Variants in WNK2 observed in about 807,000 individuals in gnomAD.
WNK2 encodes serine/threonine-protein kinase WNK2.
In WNK2, 67 loss-of-function variants were observed where a neutral mutation model predicts 192.1. The ratio of observed to expected loss-of-function variants is 0.35; its 90% confidence interval spans 0.29 to 0.43. The LOEUF is 0.43. Ranked by LOEUF, WNK2 falls within the 20% of genes least tolerant of loss-of-function variation. The pLI is 1.00. For synonymous variants in WNK2, 1,439 were observed against 1,393.9 expected (o/e 1.03, Z -0.72); for missense variants, 2,698 against 3,089.7 (o/e 0.87, Z 3.01).
rs2133804437 is a variant in WNK2 at position 93,289,191 on chromosome 9, A to G, written c.4437A>G (p.Ala1479=). Residue 1479 remains alanine, a synonymous_variant, in exon 20 of 30, where the codon GCA becomes GCG. Transcript: ENST00000427277. Reference sequence around the variant, plus strand: ...CAAGGGAGCCCCTGCCACCTCCTGCACCTGAGCCCAGCCCCCACAGCGGGA... The same window carrying G: ...CAAGGGAGCCCCTGCCACCTCCTGCGCCTGAGCCCAGCCCCCACAGCGGGA... ...SAPREPLPPP[A]PEPSPHSGTP... 6.2e-7 allele frequency: 1 copy of G among 1,601,858 alleles called. No individual in the cohort carries two copies. The highest frequency in any genetic ancestry group is 8.5e-7 in the Non-Finnish European group (1 of 1,176,564).
chr9:93,268,814 C>T (rs1157083920), intron 19 of WNK2, 68 bp downstream of exon 19: 2 of 1,581,430 alleles, frequency 1.3e-6, no homozygotes, highest in South Asian at 2.3e-5. Context: ...TGTGCATGAC[C>T]CAGCCGGTAT....
At position 93,185,277 on chromosome 9, in the gene WNK2, C is replaced by G. The variant is rs1410219448; in HGVS notation, c.348C>G (p.Pro116=). The G allele has an allele frequency of 2.7e-5, 36 of 1,353,214 alleles. No homozygotes were observed. In the South Asian group the frequency reaches 5.7e-4, roughly 21 times the overall value. 83.8% of individuals were successfully genotyped at this position (1,353,214 alleles called of 1,614,324 possible). The change falls in exon 2 of 30, where the codon CCC becomes CCG. Residue 116 remains proline, a synonymous_variant. Coordinates refer to ENST00000427277, the MANE Select transcript of WNK2 (RefSeq NM_006648.4). The part of the protein sequence containing the change: ...GAPGAPADAG[P]EPVGTQEPGP... Reference sequence around the variant, plus strand: ...CCGGAGCCCCCGCGGACGCCGGCCCCGAGCCCGTGGGCACGCAGGAGCCCG... The same window carrying G: ...CCGGAGCCCCCGCGGACGCCGGCCCGGAGCCCGTGGGCACGCAGGAGCCCG...
At chr9:93,285,931 C>T (rs1036282556) in intron 19 of WNK2, among the ~76,000 whole-genome samples, 3 of 152,084 alleles carry the variant, frequency 2.0e-5, no homozygotes, top group African/African-American at 7.2e-5. Context: ...ACAGTGGAGA[C>T]CGGGTGGTCT....
At chr9:93,240,069 T>A in intron 7 of WNK2, 93 bp downstream of exon 7, 2 of 1,332,738 alleles carry the variant, frequency 1.5e-6, no homozygotes. Context: ...GGGGGCTTGC[T>A]CCGGAGGGGA....
Position 93,247,600 on chromosome 9 carries a change from G to T in WNK2, c.1600G>T (p.Asp534Tyr). ...CAAGATCGTGGCCAAGTCCATCCGT[G>T]ACCGCGTGGCCTTGATCCAGTGGCG... is the stretch of plus-strand genomic sequence containing the variant. ...DVKIVAKSIRDRVALIQWRRE... is the reference protein window; with the variant it reads ...DVKIVAKSIRYRVALIQWRRE... The change falls in exon 8 of 30, where the codon GAC (aspartate) becomes TAC (tyrosine). Residue 534 changes from aspartate to tyrosine, a missense_variant. Asp to Tyr is a radical substitution (Grantham distance 160, BLOSUM62 -3). This residue lies in a region of WNK2 where 230 missense variants were observed against 501.1 expected (regional missense o/e 0.46). Coordinates refer to ENST00000427277, the MANE Select transcript of WNK2 (RefSeq NM_006648.4). This position sits in a 1 kb window ranked among gnomAD's most constrained non-coding sequence, Gnocchi z 5.2. 6.2e-7 allele frequency: 1 copy of T among 1,606,472 alleles called. No individual in the cohort carries two copies. The highest frequency in any genetic ancestry group is 1.1e-5 in the South Asian group (1 of 89,256).
Position 93,312,968 on chromosome 9 carries a change from G to A in WNK2, c.6516+4384G>A, listed in dbSNP as rs1853948892. 1.3e-5 allele frequency among the ~76,000 whole-genome samples: 2 copies of A among 152,118 alleles called. 1 individual carries two copies. The highest frequency in any genetic ancestry group is 1.3e-4 in the Admixed American group (2 of 15,270). On this transcript the variant is annotated intron_variant, in intron 28 of 29. Transcript: ENST00000427277. The stretch of plus-strand genomic sequence containing the variant: ...AGCTTGCTGATTCTTTATTCTGCCT[G>A]CTCAGATCTGCCGGTGAACCCCTCT...
chr9:93,200,571 G>A (rs955301338), intron 2 of WNK2, among the ~76,000 whole-genome samples: 5 of 152,218 alleles, frequency 3.3e-5, no homozygotes, highest in African/African-American at 1.2e-4. Context: ...TGGTGCCCTT[G>A]GCTTGGTGTG....
chr9:93,268,065 G>A lies in WNK2; in HGVS notation c.3913G>A (p.Val1305Ile), dbSNP rs1054249873. The A allele has an allele frequency of 1.2e-6, 2 of 1,609,880 alleles. No individual in the cohort carries two copies. Among genetic ancestry groups the A allele is most frequent in the Non-Finnish European group, 8.5e-7 (1 of 1,178,260 alleles). The change falls in exon 18 of 30, where the codon GTC becomes ATC. Residue 1305 changes from valine to isoleucine, a missense_variant and splice_region_variant. Around this residue, in one of 7 missense-constraint regions of WNK2, gnomAD observed 1,098 missense variants for 1,101.0 expected, o/e 1.00. Transcript: ENST00000427277. ...QANAPVYQQNVLHTGKRWFII... is the reference protein window; with the variant it reads ...QANAPVYQQNILHTGKRWFII... Reference sequence around the variant, plus strand: ...CAACGCCCCCGTGTATCAGCAGAACGGTGAGTCTGCAACTTCCCTCCCTGC... The same window carrying A: ...CAACGCCCCCGTGTATCAGCAGAACAGTGAGTCTGCAACTTCCCTCCCTGC...
intron 5 of WNK2, among the ~76,000 whole-genome samples, chr9:93,235,577 T>TGGGTGGAGGGAATGCAAACA (rs1462739674): frequency 1.3e-5 from 2 of 152,256 alleles, no homozygotes; most frequent in Non-Finnish European, 2.9e-5. Flanking sequence ...GTGGCCCCAC[T>TGGGTGGAGGGAATGCAAACA]GGGTGGAGGG....
chr9:93,186,691 T>C (rs920598293), intron 2 of WNK2, among the ~76,000 whole-genome samples: 4 of 152,198 alleles, frequency 2.6e-5, no homozygotes, highest in African/African-American at 9.7e-5. Context: ...TGCTATATCC[T>C]CCGGCCCCGA....
chr9:93,193,395 C>T (rs1375326989), intron 2 of WNK2, among the ~76,000 whole-genome samples: 1 of 152,202 alleles, frequency 6.6e-6, no homozygotes, highest in Non-Finnish European at 1.5e-5. Flanking sequence ...AGGTCAACCT[C>T]TTTTCACCCG....
At chr9:93,243,225 A>G (rs1841078499) in intron 7 of WNK2, among the ~76,000 whole-genome samples, 1 of 152,154 alleles carries the variant, frequency 6.6e-6, no homozygotes, top group Non-Finnish European at 1.5e-5. Context: ...TGCTCCGAAG[A>G]CAGGCAAGTT....
rs368882633 is a variant in WNK2, at chr9:93,185,460, G to C, written c.531G>C (p.Glu177Asp). The C allele has an allele frequency of 1.9e-5, 31 of 1,612,624 alleles. No homozygotes were observed. The highest frequency in any genetic ancestry group is 2.6e-5 in the Non-Finnish European group (31 of 1,179,726). Residue 177 changes from glutamate (E) to aspartate (D), a missense_variant, in exon 2 of 30, where the codon GAG (glutamate) becomes GAC (aspartate). Physicochemically the swap from Glu to Asp is conservative, Grantham distance 45. Transcript: ENST00000427277. Reference protein sequence around the residue: ...RTRRDEPEEEEDDEDDLKAVA... With the variant: ...RTRRDEPEEEDDDEDDLKAVA... The stretch of plus-strand genomic sequence containing the variant: ...GCCGGGACGAGCCCGAAGAGGAGGA[G>C]GACGACGAGGACGACCTCAAGGCCG...
At position 93,185,661 on chromosome 9, in the gene WNK2, T is replaced by G. The variant is rs1829160216; in HGVS notation, c.681+51T>G. The G allele has an allele frequency of 3.2e-6, 5 of 1,564,370 alleles. No individual in the cohort carries two copies. In the South Asian group the frequency reaches 3.5e-5, roughly 11 times the overall value. On this transcript the variant is annotated intron_variant, in intron 2 of 29. Transcript: ENST00000427277. ...GCTTTCCGCAGGGTCTGTCCGCGAG[T>G]GCGTCCTTGGGCCTGTCCTTGCTCC... is the stretch of plus-strand genomic sequence containing the variant.
At chr9:93,261,636 GT>G (rs1844270601) in intron 12 of WNK2, among the ~76,000 whole-genome samples, 177 bp from the exon 13 acceptor site, 1 of 152,226 alleles carries the variant, frequency 6.6e-6, no homozygotes, top group Non-Finnish European at 1.5e-5. Flanking sequence ...ATTCCTGTTT[GT>G]TTCTGCTCAC....
At chr9:93,271,384 G>A (rs1423855876) in intron 19 of WNK2, among the ~76,000 whole-genome samples, 6 of 152,226 alleles carry the variant, frequency 3.9e-5, no homozygotes, top group African/African-American at 1.2e-4. Context: ...GAAAAGCCAT[G>A]AAAATGTTAA....
intron 4 of WNK2, among the ~76,000 whole-genome samples, chr9:93,231,836 G>A (rs1221137019): frequency 6.6e-6 from 1 of 152,248 alleles, no homozygotes; most frequent in Non-Finnish European, 1.5e-5. Flanking sequence ...GAGACCAGGG[G>A]TCTGCGTTGT....
intron 2 of WNK2, among the ~76,000 whole-genome samples, chr9:93,211,014 CTCAT>C (rs1297534867): frequency 2.0e-5 from 3 of 151,198 alleles, no homozygotes; most frequent in Admixed American, 6.6e-5. Flanking sequence ...CTCACATTCA[CTCAT>C]TCACTCACTA....
chr9:93,311,306 G>A (rs1853606675), intron 28 of WNK2, among the ~76,000 whole-genome samples: 1 of 152,150 alleles, frequency 6.6e-6, no homozygotes, highest in Non-Finnish European at 1.5e-5. Context: ...TCCATTCTCA[G>A]GGGAATCCTG....
Sources: allele counts gnomAD v4.1 joint callset (sites outside exome capture counted in the v4.1 genomes callset), GRCh38; gene constraint gnomAD v4.1.1; regional missense constraint gnomAD v4.1.1; non-coding constraint Gnocchi (gnomAD v3.1); transcripts MANE v1.5; gene names NCBI Gene and HGNC (gene_info 2026-07-23, HGNC 2026-07-21).